Variants in ESPN observed in about 807,000 individuals in gnomAD.
ESPN encodes autosomal recessive deafness type 36 protein.
Under a neutral mutation model 77.7 loss-of-function variants are expected in ESPN, and 68 were observed. That is an observed-to-expected ratio of 0.87 (90% CI 0.72 to 1.07). The LOEUF (loss-of-function observed/expected upper bound fraction) is 1.07. ESPN is among the 50% of genes least tolerant of loss of function. ESPN has a pLI of 0.00. For missense variants in ESPN, 1,060 were observed against 1,239.0 expected (o/e 0.86, Z 2.17); for synonymous variants, 449 against 567.1 (o/e 0.79, Z 2.96).
rs55661005 is a variant in ESPN, at chr1:6,460,889, T to G, written c.*743T>G. On this transcript the variant is annotated 3_prime_UTR_variant, in exon 13 of 13. Transcript: ENST00000645284. ...ACTGCTGCACCCCATCCCGACCCTG[T>G]CTCCGCCACCTCGCAGCCCCATTAA... 2.3e-4 allele frequency: 76 copies of G among 337,290 alleles called. No homozygotes were observed. Among genetic ancestry groups the G allele is most frequent in the Middle Eastern group, 1.1e-3 (1 of 910 alleles). 20.9% of individuals were successfully genotyped at this position (337,290 alleles called of 1,614,324 possible). A position where few individuals can be genotyped will look rare whatever the true frequency, so the allele number is the denominator to read the frequency against.
rs1643817421 is a variant in ESPN, at chr1:6,445,871, CT to C, written c.1401del (p.Asp468ThrfsTer22). The C allele has an allele frequency of 6.2e-7, 1 of 1,611,562 alleles. No individual in the cohort carries two copies. On this transcript the variant is annotated frameshift_variant, in exon 7 of 13. Transcript: ENST00000645284. LOFTEE classifies it high-confidence loss of function. ...APKPPVGPQAADIYMQTKNKL... is the reference protein window; with the variant it reads ...APKPPVGPQAXDIYMQTKNKL... The stretch of plus-strand genomic sequence containing the variant: ...AAGCCTCCTGTAGGACCACAGGCAG[CT>C]GACATCTACATGCAGACCAAGAACA...
intron 7 of ESPN, among the ~76,000 whole-genome samples, chr1:6,446,148 T>C (rs576510441): frequency 9.2e-5 from 14 of 152,152 alleles, no homozygotes; most frequent in African/African-American, 3.1e-4. Context: ...TTGCCCTCCA[T>C]GGGAGCTGGG....
intron 2 of ESPN, among the ~76,000 whole-genome samples, chr1:6,439,906 G>T (rs1255107156): frequency 6.6e-6 from 1 of 152,194 alleles, no homozygotes; most frequent in East Asian, 1.9e-4. Context: ...CTACTCAGGA[G>T]GCTGAGGCAG....
rs982320794 is a variant in ESPN at position 6,460,281 on chromosome 1, C to G, written c.*135C>G. On this transcript the variant is annotated 3_prime_UTR_variant, in exon 13 of 13. Coordinates refer to ENST00000645284, the MANE Select transcript of ESPN (RefSeq NM_031475.3). ...TGCGCTGGAAACCCTCCCTGACCCC[C>G]ACCCTGGCCCCCCGTATCCCCAGCC... 67 of 1,147,324 alleles carry G rather than the reference C, an allele frequency of 5.8e-5. No homozygotes were observed. Among genetic ancestry groups the G allele is most frequent in the South Asian group, 5.0e-4 (31 of 61,944 alleles). The allele number at this position is 1,147,324 out of a possible 1,614,324, so 71.1% of individuals were successfully genotyped here.
rs550877739 is a variant in ESPN, at chr1:6,446,655, C to G, written c.1464+720C>G. Among the ~76,000 whole-genome samples, 4 of 152,086 alleles carry G rather than the reference C, an allele frequency of 2.6e-5. No individual in the cohort carries two copies. The East Asian group carries it at 7.7e-4, about 29-fold the overall frequency. Reference sequence around the variant, plus strand: ...GGCAGAGGTCTGGTCTGAGCAATTCCGGGTATCCCGGGCAGGGTGCCCTGG... The same window carrying G: ...GGCAGAGGTCTGGTCTGAGCAATTCGGGGTATCCCGGGCAGGGTGCCCTGG... On this transcript the variant is annotated intron_variant, in intron 7 of 12. Transcript: ENST00000645284.
rs1170825623 is a variant in ESPN at position 6,424,795 on chromosome 1, CGCCAGGCAGCGCGGAGCGGAG to C, written c.-153_-133del. 45 of 717,846 alleles carry C rather than the reference CGCCAGGCAGCGCGGAGCGGAG, an allele frequency of 6.3e-5. No homozygotes were observed. The highest frequency in any genetic ancestry group is 7.5e-5 in the African/African-American group (4 of 53,014). The allele number at this position is 717,846 out of a possible 1,614,324, so 44.5% of individuals were successfully genotyped here. On this transcript the variant is annotated 5_prime_UTR_variant, in exon 1 of 13. Coordinates refer to ENST00000645284, the MANE Select transcript of ESPN (RefSeq NM_031475.3). ...GGCCCCAGAGCGCGGCGGAGCGGAGCGCCAGGCAGCGCGGAGCGGAGGCCAGGCCCACAGCCGCTCCGCCTC... is the reference window on the plus strand; with the variant it reads ...GGCCCCAGAGCGCGGCGGAGCGGAGCGCCAGGCCCACAGCCGCTCCGCCTC...
chr1:6,438,687 A>G (rs1055289954), intron 2 of ESPN, among the ~76,000 whole-genome samples: 8 of 152,266 alleles, frequency 5.3e-5, no homozygotes, highest in Admixed American at 1.3e-4. Context: ...TTGTGGGACT[A>G]TGGGTGATGG....
At chr1:6,434,937 G>T (rs1643380549) in intron 2 of ESPN, among the ~76,000 whole-genome samples, 1 of 152,272 alleles carries the variant, frequency 6.6e-6, no homozygotes, top group Admixed American at 6.5e-5. Context: ...GCAGTGATGC[G>T]GGGAGGTGTA....
chr1:6,443,835 C>T (rs2148524307), intron 5 of ESPN, among the ~76,000 whole-genome samples: 1 of 152,326 alleles, frequency 6.6e-6, no homozygotes, highest in South Asian at 2.1e-4. Flanking sequence ...TTGCCGGCAG[C>T]AGGGGCAGCA....
At chr1:6,425,579 G>A (rs1197020082) in intron 1 of ESPN, among the ~76,000 whole-genome samples, 2 of 152,246 alleles carry the variant, frequency 1.3e-5, no homozygotes, top group East Asian at 1.9e-4. Flanking sequence ...TGGGTGGGAC[G>A]TGAGGCCTGG....
At position 6,437,058 on chromosome 1, in the gene ESPN, A is replaced by G. The variant is rs1643464954; in HGVS notation, c.489-3196A>G. Among the ~76,000 whole-genome samples, 1 of 151,110 alleles carries G rather than the reference A, an allele frequency of 6.6e-6. No homozygotes were observed. The highest frequency in any genetic ancestry group is 1.5e-5 in the Non-Finnish European group (1 of 67,796). On this transcript the variant is annotated intron_variant, in intron 2 of 12. Coordinates refer to ENST00000645284, the MANE Select transcript of ESPN (RefSeq NM_031475.3). The surrounding 1 kb of genome is among the most constrained non-coding windows in gnomAD (Gnocchi z 4.5). ...ATTCCAAGCTGGAGGCTCTGACTCC[A>G]TAATGGGGCGTGTGAGTGCAGATGG...
At chr1:6,433,876 G>A (rs1569605276) in intron 2 of ESPN, among the ~76,000 whole-genome samples, 1 of 152,000 alleles carries the variant, frequency 6.6e-6, no homozygotes, top group Non-Finnish European at 1.5e-5. Context: ...CACCCATGAT[G>A]CCCACTCACT....
In ESPN at chr1:6,457,371, C is replaced by A; in HGVS notation, c.2416C>A (p.Arg806=). 1 of 1,614,180 alleles carries A rather than the reference C, an allele frequency of 6.2e-7. No homozygotes were observed. The highest frequency in any genetic ancestry group is 1.7e-5 in the Admixed American group (1 of 60,024). ...TCTTTTTCCTTCCAGGGAGCAGAAGCGGTGAGTGCAGGGCTGGCCCCAACC... is the reference window on the plus strand; with the variant it reads ...TCTTTTTCCTTCCAGGGAGCAGAAGAGGTGAGTGCAGGGCTGGCCCCAACC... ...KKLEEEREQK[R]KEEERQKQEE... The change falls in exon 12 of 13, where the codon CGG becomes AGG. Residue 806 remains arginine, a splice_region_variant and synonymous_variant. Transcript: ENST00000645284.
At chr1:6,443,423 A>G (rs1220129002) in intron 5 of ESPN, among the ~76,000 whole-genome samples, 1 of 152,220 alleles carries the variant, frequency 6.6e-6, no homozygotes, top group Non-Finnish European at 1.5e-5. Flanking sequence ...TCTGCTGCCT[A>G]CAGGGGTCAG....
rs376700787 is a variant in ESPN, at chr1:6,444,505, C to T, written c.1015C>T (p.Arg339Trp). The change falls in exon 6 of 13, where the codon CGG becomes TGG. Residue 339 changes from arginine to tryptophan, a missense_variant. Coordinates refer to ENST00000645284, the MANE Select transcript of ESPN (RefSeq NM_031475.3). ...GAGCGTGGAGCACCGCGTGCTTTCC[C>T]GGGATCCATCCGCAGAGCTGGAGGC... ...NLSVEHRVLS[R>W]DPSAELEAKQ... 2.5e-5 allele frequency: 41 copies of T among 1,614,066 alleles called. No individual in the cohort carries two copies. The East Asian group carries it at 4.5e-4, about 18-fold the overall frequency.
Position 6,428,614 on chromosome 1 carries a change from G to A in ESPN, c.488+195G>A, listed in dbSNP as rs948979422. On this transcript the variant is annotated intron_variant, in intron 2 of 12. Transcript: ENST00000645284. The surrounding 1 kb of genome is among the most constrained non-coding windows in gnomAD (Gnocchi z 5.4). ...TCCCCTCCTGGAAAACCCCTTCTGG[G>A]GCTGCCCCCAGAGCCCTGCAAGCAG... Among the ~76,000 whole-genome samples the A allele has an allele frequency of 1.3e-5, 2 of 152,120 alleles. No homozygotes were observed. The highest frequency in any genetic ancestry group is 4.8e-5 in the African/African-American group (2 of 41,406).
At chr1:6,440,835 C>A (rs1332590641) in intron 4 of ESPN, 27 bp downstream of exon 4, 18 of 1,453,134 alleles carry the variant, frequency 1.2e-5, no homozygotes, top group Non-Finnish European at 1.6e-5. Flanking sequence ...GGTGGGGGCG[C>A]GCGCCCTCTG....
chr1:6,452,277 T>C (rs1643962507), intron 10 of ESPN, among the ~76,000 whole-genome samples, 181 bp downstream of exon 10: 7 of 151,922 alleles, frequency 4.6e-5, no homozygotes, highest in Admixed American at 3.9e-4. Flanking sequence ...CGATCTCGAC[T>C]CACTGCAACC....
chr1:6,432,902 C>T (rs1643300808), intron 2 of ESPN, among the ~76,000 whole-genome samples: 1 of 152,108 alleles, frequency 6.6e-6, no homozygotes, highest in African/African-American at 2.4e-5. Context: ...GCGGGTGGAA[C>T]ACGAGGTCAG....
Sources: gnomAD v4.1 joint callset for allele counts (sites outside exome capture counted in the v4.1 genomes callset) on GRCh38, gnomAD v4.1.1 for gene constraint, Gnocchi (gnomAD v3.1) non-coding constraint, MANE v1.5 for transcripts, NCBI Gene and HGNC (gene_info 2026-07-23, HGNC 2026-07-21) for gene names.